Variants in ANGPT4 observed in about 807,000 individuals in gnomAD.
ANGPT4 encodes the protein angiopoietin-4.
In ANGPT4, 50 loss-of-function variants were observed where a neutral mutation model predicts 53.0. The ratio of observed to expected loss-of-function variants is 0.94; its 90% CI spans 0.75 to 1.20. The LOEUF is 1.20. ANGPT4 is among the 50% of genes most tolerant of loss of function. The pLI, the probability that ANGPT4 is intolerant of heterozygous loss-of-function variation, is 0.00. For missense variants in ANGPT4, 648 were observed against 637.1 expected, an observed-to-expected ratio of 1.02 and a Z score of -0.18; for synonymous variants, 251 against 259.7, an observed-to-expected ratio of 0.97 and a Z score of 0.32.
In ANGPT4 at chr20:908,808, T is replaced by C. The variant is rs1982584664; in HGVS notation, c.309+7098A>G. 6.6e-6 allele frequency among the ~76,000 whole-genome samples: 1 copy of C among 152,120 alleles called. No individual in the cohort carries two copies. The highest frequency in any genetic ancestry group is 2.1e-4 in the South Asian group (1 of 4,828). On this transcript the variant is annotated intron_variant, in intron 1 of 8. Transcript: ENST00000381922. The surrounding 1 kb of genome is among the most constrained non-coding windows in gnomAD (Gnocchi z 4.9). Reference sequence around the variant, plus strand: ...GGGGGCAGGAGTCGGGGGTTGCACATCTACACATAGTCCCAGAATTGAAAG... The same window carrying C: ...GGGGGCAGGAGTCGGGGGTTGCACACCTACACATAGTCCCAGAATTGAAAG...
chr20:913,925 C>T (rs1034445281), intron 1 of ANGPT4, among the ~76,000 whole-genome samples: 39 of 152,224 alleles, frequency 2.6e-4, no homozygotes, highest in Admixed American at 6.5e-4. Context: ...AGCAGGGAGT[C>T]GTCTCAGGCA....
intron 1 of ANGPT4, among the ~76,000 whole-genome samples, chr20:896,198 G>A (rs77402555): frequency 0.015 from 2,272 of 152,276 alleles, 39 homozygotes; most frequent in South Asian, 0.081. Flanking sequence ...TATTTCTTGA[G>A]CACCTACTAT....
intron 1 of ANGPT4, among the ~76,000 whole-genome samples, chr20:896,031 G>A (rs1316401419): frequency 1.3e-5 from 2 of 152,092 alleles, no homozygotes; most frequent in Non-Finnish European, 2.9e-5. Context: ...GAAAAGGGTA[G>A]ATTTTGCTGT....
intron 7 of ANGPT4, 77 bp from the exon 8 acceptor site, chr20:874,491 A>C: frequency 6.3e-7 from 1 of 1,577,778 alleles, no homozygotes; most frequent in East Asian, 2.3e-5. Context: ...GAACTTCCCC[A>C]GTGGCTTTGT....
chr20:881,181 T>G lies in ANGPT4; in HGVS notation c.941A>C (p.Lys314Thr). The G allele has an allele frequency of 6.3e-7, 1 of 1,588,424 alleles. No individual in the cohort carries two copies. The highest frequency in any genetic ancestry group is 2.2e-5 in the East Asian group (1 of 44,482). Residue 314 changes from lysine (K) to threonine (T), a missense_variant, in exon 5 of 9, where the codon AAG becomes ACG. Transcript: ENST00000381922. ...AGGGAGCCCCCTAACCTTCCTGGGC[T>G]TCGTTGCATTGGACACCTGGATGGT... ...VYTIQVSNAT[K>T]PRKVFCDLQS...
chr20:881,848 CAAAG>C (rs1981422171), intron 4 of ANGPT4, among the ~76,000 whole-genome samples: 1 of 152,174 alleles, frequency 6.6e-6, no homozygotes, highest in Non-Finnish European at 1.5e-5. Flanking sequence ...GGATGAGACT[CAAAG>C]CTGGGAGGCC....
chr20:874,917 A>C (rs968247889), intron 7 of ANGPT4, among the ~76,000 whole-genome samples: 26 of 152,088 alleles, frequency 1.7e-4, no homozygotes, highest in African/African-American at 4.1e-4. Flanking sequence ...ATAGGGTCTC[A>C]CTATGTTGCC....
chr20:898,238 C>T (rs1982131989), intron 1 of ANGPT4, among the ~76,000 whole-genome samples: 1 of 152,180 alleles, frequency 6.6e-6, no homozygotes, highest in Admixed American at 6.5e-5. Context: ...TCAGCATCTG[C>T]TCCCCTACCC....
chr20:903,660 T>C (rs1982369681), intron 1 of ANGPT4, among the ~76,000 whole-genome samples: 1 of 152,070 alleles, frequency 6.6e-6, no homozygotes, highest in Non-Finnish European at 1.5e-5. Flanking sequence ...GGTAAAACAG[T>C]CCCCAGTGAA....
intron 7 of ANGPT4, among the ~76,000 whole-genome samples, chr20:876,950 G>A (rs6055501): frequency 2.0e-5 from 3 of 152,182 alleles, no homozygotes; most frequent in African/African-American, 7.2e-5. Flanking sequence ...GGGAGGCTGA[G>A]GTGGGAAGGT....
rs201928850 is a variant in ANGPT4, at chr20:890,379, C to T, written c.310-11G>A. 1 of 1,606,338 alleles carries T rather than the reference C, an allele frequency of 6.2e-7. No homozygotes were observed. Among genetic ancestry groups the T allele is most frequent in the East Asian group, 2.2e-5 (1 of 44,792 alleles). On this transcript the variant is annotated splice_polypyrimidine_tract_variant and intron_variant, in intron 1 of 8. Transcript: ENST00000381922. Reference sequence around the variant, plus strand: ...GATGGCCCTCTCTAGCTGTGGGAGACCATGGGCTGGGGTCACGGGGGAGGG... The same window carrying T: ...GATGGCCCTCTCTAGCTGTGGGAGATCATGGGCTGGGGTCACGGGGGAGGG...
intron 1 of ANGPT4, among the ~76,000 whole-genome samples, chr20:912,159 G>A (rs989261746): frequency 1.3e-5 from 2 of 152,194 alleles, no homozygotes; most frequent in African/African-American, 4.8e-5. Context: ...GGGCCATGAA[G>A]AGAAGGCAGA....
At chr20:900,341 A>G (rs184823010) in intron 1 of ANGPT4, among the ~76,000 whole-genome samples, 1 of 152,300 alleles carries the variant, frequency 6.6e-6, no homozygotes, top group Non-Finnish European at 1.5e-5. Context: ...ATCAGTCTCC[A>G]TTACAACCTC....
chr20:887,878 TAAAAG>T (rs532390748), intron 3 of ANGPT4, among the ~76,000 whole-genome samples: 2,914 of 145,762 alleles, frequency 0.02, 39 homozygotes, highest in Non-Finnish European at 0.026. Flanking sequence ...ACGAGATAAA[TAAAAG>T]AAGGAGGAAG....
At chr20:883,759 T>C (rs1981499933) in intron 4 of ANGPT4, among the ~76,000 whole-genome samples, 1 of 152,234 alleles carries the variant, frequency 6.6e-6, no homozygotes, top group African/African-American at 2.4e-5. Flanking sequence ...GTGGGAGGCA[T>C]TGGGCCCAGG....
intron 1 of ANGPT4, among the ~76,000 whole-genome samples, chr20:899,634 G>A (rs145271006): frequency 2.6e-5 from 4 of 152,068 alleles, no homozygotes; most frequent in East Asian, 1.9e-4. Flanking sequence ...ATTTTAACCC[G>A]GACAAGTCTT....
intron 1 of ANGPT4, among the ~76,000 whole-genome samples, chr20:906,069 C>T (rs1982467400): frequency 6.6e-6 from 1 of 152,192 alleles, no homozygotes; most frequent in Admixed American, 6.5e-5. Flanking sequence ...GATCCTGGTG[C>T]TCATGCCCTT....
chr20:907,652 C>T (rs538826091), intron 1 of ANGPT4, among the ~76,000 whole-genome samples: 123 of 152,274 alleles, frequency 8.1e-4, no homozygotes, highest in African/African-American at 2.6e-3. Flanking sequence ...ATTTTACAGA[C>T]GAGGCACAGA....
chr20:873,020 G>A lies in ANGPT4; in HGVS notation c.1452C>T (p.Phe484=). 1 of 1,614,150 alleles carries A rather than the reference G, an allele frequency of 6.2e-7. No homozygotes were observed. The highest frequency in any genetic ancestry group is 1.3e-5 in the African/African-American group (1 of 75,062). Residue 484 remains phenylalanine, a synonymous_variant, in exon 9 of 9, where the codon TTC becomes TTT. Coordinates refer to ENST00000381922, the MANE Select transcript of ANGPT4 (RefSeq NM_015985.4). ...YKMDGIRWHY[F]KGPSYSLRAS... ...CACGCAGTGAGTAGCTGGGGCCCTTGAAGTAGTGCCAGCGGATGCCGTCCA... is the reference window on the plus strand; with the variant it reads ...CACGCAGTGAGTAGCTGGGGCCCTTAAAGTAGTGCCAGCGGATGCCGTCCA...
Sources: gnomAD v4.1 joint callset for allele counts (sites outside exome capture counted in the v4.1 genomes callset) on GRCh38, gnomAD v4.1.1 for gene constraint, Gnocchi (gnomAD v3.1) non-coding constraint, MANE v1.5 for transcripts, NCBI Gene and HGNC (gene_info 2026-07-23, HGNC 2026-07-21) for gene names.